The following MYOF variants were observed in gnomAD, a reference collection of about 807,000 sequenced individuals.
The protein encoded by MYOF is fer-1-like 3, myoferlin.
MYOF carries 244 observed loss-of-function variants against 284.2 expected under a neutral mutation model. That is an observed-to-expected ratio of 0.86 (90% confidence interval 0.77 to 0.95). The LOEUF is 0.95. MYOF is among the 40% of genes least tolerant of loss of function. MYOF has a pLI of 0.00. For missense variants in MYOF, 2,496 were observed against 2,560.6 expected, an observed-to-expected ratio of 0.97 and a Z score of 0.54; for synonymous variants, 904 against 919.7, an observed-to-expected ratio of 0.98 and a Z score of 0.31.
intron 41 of MYOF, among the ~76,000 whole-genome samples, chr10:93,335,030 A>C (rs1182646216): frequency 6.6e-6 from 1 of 152,218 alleles, no homozygotes; most frequent in Non-Finnish European, 1.5e-5. Context: ...TTCCATGTGT[A>C]AGATGCTTTC....
intron 7 of MYOF, among the ~76,000 whole-genome samples, chr10:93,404,641 CAAAA>C (rs34398757): frequency 6.6e-5 from 4 of 60,914 alleles, no homozygotes; most frequent in Admixed American, 1.8e-4. Context: ...GAGGCCATCT[CAAAA>C]AAAAAAAAAA....
intron 37 of MYOF, among the ~76,000 whole-genome samples, chr10:93,345,294 T>C (rs972125286): frequency 2.6e-5 from 4 of 152,206 alleles, no homozygotes; most frequent in African/African-American, 9.7e-5. Flanking sequence ...GTTTTAAAAA[T>C]TTTAAAACAA....
rs11376911 is a variant in MYOF, at chr10:93,424,929, ATTTTTTTTTTTT to A, written c.433+1130_433+1141del. On this transcript the variant is annotated intron_variant, in intron 5 of 53. Coordinates refer to ENST00000359263, the MANE Select transcript of MYOF (RefSeq NM_013451.4). ...ACTTCCTCCCAGGAGGGAGAATTCC[ATTTTTTTTTTTT>A]TTTTTTTTTTTTTTTGAGACGGAGT... Among the ~76,000 whole-genome samples the A allele has an allele frequency of 1.3e-4, 10 of 77,762 alleles. No homozygotes were observed. In the East Asian group the frequency reaches 4.8e-3, roughly 37 times the overall value. 51.0% of individuals were successfully genotyped at this position (77,762 alleles called of 152,430 possible).
intron 5 of MYOF, among the ~76,000 whole-genome samples, chr10:93,425,210 G>A (rs1164854910): frequency 6.6e-6 from 1 of 151,972 alleles, no homozygotes; most frequent in African/African-American, 2.4e-5. Flanking sequence ...CAAAGTGTTG[G>A]GATTACAGGC....
chr10:93,401,461 C>A lies in MYOF; in HGVS notation c.1074G>T (p.Val358=). 6.2e-7 allele frequency: 1 copy of A among 1,614,188 alleles called. No homozygotes were observed. Among genetic ancestry groups the A allele is most frequent in the South Asian group, 1.1e-5 (1 of 91,074 alleles). The stretch of plus-strand genomic sequence containing the variant: ...CTCGGTAGATTTTCAGCAAGAAGGT[C>A]ACCCACCGGAGGGCAATGCCAGCAG... ...LLPAGIALRW[V]TFLLKIYRAE... Residue 358 remains valine (V), a synonymous_variant, in exon 12 of 54, where the codon GTG becomes GTT. Transcript: ENST00000359263.
At chr10:93,367,388 T>C (rs1225674798) in intron 25 of MYOF, among the ~76,000 whole-genome samples, 1 of 152,142 alleles carries the variant, frequency 6.6e-6, no homozygotes, top group Non-Finnish European at 1.5e-5. Flanking sequence ...GCATAAGCCA[T>C]AGGAAAGCTT....
rs180901824 is a variant in MYOF at position 93,419,323 on chromosome 10, C to T, written c.433+6748G>A. Among the ~76,000 whole-genome samples, 1,289 of 152,126 alleles carry T rather than the reference C, an allele frequency of 8.5e-3. 6 individuals are homozygous for T. Among genetic ancestry groups the T allele is most frequent in the Non-Finnish European group, 0.014 (948 of 67,988 alleles). ...GATTACAGATGCATGCAACCACGCC[C>T]GGCTAATTTTTATATTTTCAGTAGA... On this transcript the variant is annotated intron_variant, in intron 5 of 53. Transcript: ENST00000359263.
At chr10:93,450,501 G>T (rs554673083) in intron 3 of MYOF, among the ~76,000 whole-genome samples, 1 of 152,344 alleles carries the variant, frequency 6.6e-6, no homozygotes, top group Non-Finnish European at 1.5e-5. Context: ...TTGAACTAAG[G>T]AGGCGGAGGT....
intron 2 of MYOF, among the ~76,000 whole-genome samples, chr10:93,454,268 A>G (rs1010001236): frequency 2.0e-5 from 3 of 152,216 alleles, no homozygotes; most frequent in African/African-American, 7.2e-5. Context: ...TTTGGTTTCA[A>G]TTATAAAACA....
chr10:93,422,614 T>C (rs1023829810), intron 5 of MYOF, among the ~76,000 whole-genome samples: 2 of 152,094 alleles, frequency 1.3e-5, no homozygotes, highest in Non-Finnish European at 2.9e-5. Flanking sequence ...CTGGCCAATA[T>C]GGTGAAACCC....
rs753490937 is a variant in MYOF, at chr10:93,431,450, G to C, written c.303C>G (p.Tyr101Ter). The change falls in exon 4 of 54, where the codon TAC (tyrosine) becomes TAG (stop). Residue 101 changes from tyrosine (Y) to a stop codon, truncating the protein, a stop_gained. Transcript: ENST00000359263. LOFTEE classifies it high-confidence loss of function. Reference protein sequence around the residue: ...LTGDQSRSLPYKLISLLNEKG... With the variant: ...LTGDQSRSLP ...TTTCATTTAGCAGGGAGATCAGCTT[G>C]TACGGCAGGGATCTGCTCTGGTCAC... The C allele has an allele frequency of 1.1e-5, 17 of 1,613,956 alleles. No individual in the cohort carries two copies. The highest frequency in any genetic ancestry group is 1.7e-5 in the Admixed American group (1 of 59,994).
At chr10:93,329,505 C>T (rs1383438219) in intron 44 of MYOF, among the ~76,000 whole-genome samples, 159 bp downstream of exon 44, 1 of 151,728 alleles carries the variant, frequency 6.6e-6, no homozygotes, top group East Asian at 2.0e-4. Flanking sequence ...CATGAGGTGG[C>T]CCGGAGATTC....
chr10:93,480,932 CG>C (rs1162180339), intron 1 of MYOF, among the ~76,000 whole-genome samples: 2 of 152,106 alleles, frequency 1.3e-5, no homozygotes, highest in African/African-American at 2.4e-5. Flanking sequence ...CTGGAAGAAA[CG>C]AGAAATGTAG....
chr10:93,342,556 C>T (rs775202684), intron 38 of MYOF, among the ~76,000 whole-genome samples: 2 of 152,158 alleles, frequency 1.3e-5, no homozygotes, highest in Non-Finnish European at 2.9e-5. Context: ...ATGATGTAAA[C>T]TGAACTTTCA....
At position 93,306,712 on chromosome 10, in the gene MYOF, A is replaced by C; in HGVS notation, c.*251T>G. On this transcript the variant is annotated 3_prime_UTR_variant, in exon 54 of 54. Coordinates refer to ENST00000359263, the MANE Select transcript of MYOF (RefSeq NM_013451.4). ...TAAATGGAACCAGCCACCTTGAAAA[A>C]TATTTTGAAAAACATGATTTAAACT... 2.2e-6 allele frequency: 1 copy of C among 453,410 alleles called. No individual in the cohort carries two copies. Among genetic ancestry groups the C allele is most frequent in the East Asian group, 3.9e-5 (1 of 25,628 alleles). 28.1% of individuals were successfully genotyped at this position (453,410 alleles called of 1,614,324 possible).
At chr10:93,387,558 T>A (rs1846442781) in intron 19 of MYOF, among the ~76,000 whole-genome samples, 1 of 152,172 alleles carries the variant, frequency 6.6e-6, no homozygotes, top group Non-Finnish European at 1.5e-5. Flanking sequence ...CACTTCCCCA[T>A]GACCCCCAAC....
chr10:93,423,828 G>C (rs12252819), intron 5 of MYOF, among the ~76,000 whole-genome samples: 9,356 of 148,890 alleles, frequency 0.063, 995 homozygotes, highest in African/African-American at 0.22. Context: ...GCCAGACTCT[G>C]TCTAAAAAAA....
intron 1 of MYOF, among the ~76,000 whole-genome samples, chr10:93,467,561 T>G (rs1455954269): frequency 6.6e-6 from 1 of 152,102 alleles, no homozygotes; most frequent in African/African-American, 2.4e-5. Context: ...TGGAAGTCAG[T>G]ATGGCAATTC....
At chr10:93,383,052 C>G (rs1329643161) in intron 19 of MYOF, among the ~76,000 whole-genome samples, 1 of 152,038 alleles carries the variant, frequency 6.6e-6, no homozygotes, top group Non-Finnish European at 1.5e-5. Flanking sequence ...TGTGTCACCA[C>G]ACCTGGCTAA....
Sources: allele counts gnomAD v4.1 joint callset (sites outside exome capture counted in the v4.1 genomes callset), GRCh38; gene constraint gnomAD v4.1.1; transcripts MANE v1.5; gene names NCBI Gene and HGNC (gene_info 2026-07-23, HGNC 2026-07-21).